Variants in NRG1 observed in about 807,000 individuals in gnomAD.
NRG1 encodes neuregulin 1, also known as pro-neuregulin-1, membrane-bound isoform.
Under a neutral mutation model 63.8 loss-of-function variants are expected in NRG1, and 18 were observed. The ratio of observed to expected loss-of-function variants is 0.28; its 90% CI spans 0.19 to 0.42. The LOEUF is 0.42. Among genes scored for constraint, NRG1 ranks in the 10% least tolerant of loss-of-function variants. The probability of loss-of-function intolerance (pLI) is 1.00; values close to 1 mark genes in which losing one functional copy is unlikely to be tolerated. For missense variants in NRG1, 762 were observed against 814.7 expected (o/e 0.94, Z 0.79); for synonymous variants, 302 against 301.3 (o/e 1.00, Z -0.02).
At chr8:32,065,988 T>G (rs1174372771) in intron 1 of NRG1, among the ~76,000 whole-genome samples, 2 of 152,240 alleles carry the variant, frequency 1.3e-5, no homozygotes, top group Non-Finnish European at 2.9e-5. Flanking sequence ...TGTCTTCTTT[T>G]GAGAAGTGTC....
intron 1 of NRG1, among the ~76,000 whole-genome samples, chr8:31,938,619 C>A (rs1585912041): frequency 6.6e-6 from 1 of 152,108 alleles, no homozygotes; most frequent in East Asian, 1.9e-4. Context: ...ATCAAGGAGG[C>A]ACCAGAAAAA....
intron 1 of NRG1, among the ~76,000 whole-genome samples, chr8:32,578,469 CCTTT>C (rs1276259225): frequency 1.2e-5 from 1 of 85,550 alleles, no homozygotes; most frequent in Admixed American, 1.6e-4. Context: ...TCTCTGTCCT[CCTTT>C]TTTTTTTTTG....
chr8:32,343,490 G>T (rs1361403868), intron 1 of NRG1, among the ~76,000 whole-genome samples: 3 of 152,082 alleles, frequency 2.0e-5, no homozygotes, highest in Admixed American at 2.0e-4. Context: ...ATTTGCTGAT[G>T]GTCTTTCTTG....
chr8:31,854,412 G>A (rs1180498158), intron 1 of NRG1, among the ~76,000 whole-genome samples: 1 of 152,150 alleles, frequency 6.6e-6, no homozygotes, highest in Non-Finnish European at 1.5e-5. Context: ...GGTGTTTGTA[G>A]TATTCTCTGA....
At chr8:31,642,369 A>G (rs1350709288) in intron 1 of NRG1, among the ~76,000 whole-genome samples, 1 of 152,230 alleles carries the variant, frequency 6.6e-6, no homozygotes. Context: ...TGGGAAGTTA[A>G]TATAAAGGGG....
In NRG1 at chr8:31,640,738, C is replaced by T; in HGVS notation, c.37+1307C>T. 1 of 1,552,642 alleles carries T rather than the reference C, an allele frequency of 6.4e-7. No homozygotes were observed. The highest frequency in any genetic ancestry group is 8.7e-7 in the Non-Finnish European group (1 of 1,148,202). On this transcript the variant is annotated intron_variant, in intron 1 of 10. Transcript: ENST00000519301. The surrounding 1 kb of genome is among the most constrained non-coding windows in gnomAD (Gnocchi z 6.3). Reference sequence around the variant, plus strand: ...GCTGTGCAAGCGGTGCGGTAAGTTCCTCGCCCTTGGGGGCGCGAACCCGCG... The same window carrying T: ...GCTGTGCAAGCGGTGCGGTAAGTTCTTCGCCCTTGGGGGCGCGAACCCGCG...
At chr8:31,759,846 T>C (rs117192588) in intron 1 of NRG1, among the ~76,000 whole-genome samples, 2,567 of 152,272 alleles carry the variant, frequency 0.017, 34 homozygotes, top group Middle Eastern at 0.044. Context: ...GTGAGTCTAT[T>C]ATCTCTCTCA....
At chr8:32,338,390 C>A (rs1803609245) in intron 1 of NRG1, among the ~76,000 whole-genome samples, 1 of 152,084 alleles carries the variant, frequency 6.6e-6, no homozygotes, top group Admixed American at 6.6e-5. Context: ...GGTTGCTTTA[C>A]AATTTTAACT....
intron 1 of NRG1, among the ~76,000 whole-genome samples, chr8:32,454,885 A>G (rs1392036386): frequency 6.6e-6 from 1 of 152,128 alleles, no homozygotes; most frequent in African/African-American, 2.4e-5. Context: ...GGCCTCACAC[A>G]TGTATAACAT....
intron 1 of NRG1, among the ~76,000 whole-genome samples, chr8:32,277,112 T>C (rs907813967): frequency 1.3e-5 from 2 of 152,226 alleles, no homozygotes; most frequent in African/African-American, 4.8e-5. Context: ...ACTATTGCAT[T>C]AAACGTGAAG....
chr8:32,148,557 C>G (rs890177902), intron 1 of NRG1, among the ~76,000 whole-genome samples: 1 of 152,154 alleles, frequency 6.6e-6, no homozygotes, highest in Non-Finnish European at 1.5e-5. Flanking sequence ...CACCACCACG[C>G]CCGGCTAATT....
chr8:32,651,528 A>G (rs971623367), intron 5 of NRG1, among the ~76,000 whole-genome samples: 1 of 152,162 alleles, frequency 6.6e-6, no homozygotes, highest in Non-Finnish European at 1.5e-5. Flanking sequence ...ATAGCCAGGA[A>G]ACAGTGGTAC....
chr8:32,375,263 C>A (rs1395639627), intron 1 of NRG1, among the ~76,000 whole-genome samples: 3 of 152,112 alleles, frequency 2.0e-5, no homozygotes, highest in Non-Finnish European at 2.9e-5. Flanking sequence ...CAGGTGCGAG[C>A]CACCGTGCCC....
intron 1 of NRG1, among the ~76,000 whole-genome samples, chr8:32,589,973 C>G (rs1179166928): frequency 6.6e-6 from 1 of 152,126 alleles, no homozygotes; most frequent in East Asian, 1.9e-4. Context: ...CATTTTTCTT[C>G]CCTAAATTGT....
At chr8:32,250,835 A>T (rs573612761) in intron 1 of NRG1, among the ~76,000 whole-genome samples, 13 of 152,208 alleles carry the variant, frequency 8.5e-5, no homozygotes, top group Non-Finnish European at 1.9e-4. Flanking sequence ...TACCAGAGAT[A>T]GTCTGTAATG....
intron 1 of NRG1, among the ~76,000 whole-genome samples, chr8:32,362,846 G>A (rs1459314900): frequency 6.6e-6 from 1 of 152,200 alleles, no homozygotes; most frequent in Admixed American, 6.5e-5. Flanking sequence ...TCTCAAGACA[G>A]CAAAAGCACC....
chr8:32,605,564 A>G, exon 3 of NRG1: 1 of 1,613,196 alleles, frequency 6.2e-7, no homozygotes, highest in South Asian at 1.1e-5. Flanking sequence ...TCTTATAGGA[A>G]GTCAGAACTT....
At chr8:31,765,779 G>T (rs911582626) in intron 1 of NRG1, among the ~76,000 whole-genome samples, 1 of 152,016 alleles carries the variant, frequency 6.6e-6, no homozygotes, top group African/African-American at 2.4e-5. Context: ...TTTTACTCCT[G>T]GCTCTTTTAT....
chr8:31,842,315 A>G (rs980813100), intron 1 of NRG1, among the ~76,000 whole-genome samples: 8 of 152,124 alleles, frequency 5.3e-5, no homozygotes, highest in African/African-American at 1.9e-4. Context: ...ATTTATGTAC[A>G]TTTTCTGTAG....
Sources: allele counts gnomAD v4.1 joint callset (sites outside exome capture counted in the v4.1 genomes callset), GRCh38; gene constraint gnomAD v4.1.1; non-coding constraint Gnocchi (gnomAD v3.1); transcripts MANE v1.5; gene names NCBI Gene and HGNC (gene_info 2026-07-23, HGNC 2026-07-21).